Variants in MAP2 observed in about 807,000 individuals in gnomAD.
MAP2 encodes the protein microtubule associated protein 2, also known as microtubule-associated protein 2.
Under a neutral mutation model 137.6 loss-of-function variants are expected in MAP2, and 14 were observed. The ratio of observed to expected loss-of-function variants is 0.10; its 90% CI spans 0.07 to 0.16. The LOEUF (loss-of-function observed/expected upper bound fraction) is 0.16. Ranked by LOEUF, MAP2 falls within the 10% of genes least tolerant of loss-of-function variation. The pLI is 1.00. For synonymous variants in MAP2, 786 were observed against 782.3 expected, an observed-to-expected ratio of 1.00 and a Z score of -0.08; for missense variants, 2,088 against 2,191.5, an observed-to-expected ratio of 0.95 and a Z score of 0.94.
rs181592242 is a variant in MAP2, at chr2:209,433,487, T to G, written c.-222+9211T>G. On this transcript the variant is annotated intron_variant, in intron 1 of 15. Coordinates refer to ENST00000682079, the MANE Select transcript of MAP2 (RefSeq NM_001375505.1). ...ACAGAAGGCAGGTACCAGGCCACAT[T>G]GGTCCTTTTGACCCTGATAAGGAGT... is the stretch of plus-strand genomic sequence containing the variant. 7.5e-4 allele frequency among the ~76,000 whole-genome samples: 114 copies of G among 152,238 alleles called. 1 individual carries two copies. The highest frequency in any genetic ancestry group is 2.2e-3 in the Admixed American group (33 of 15,276).
intron 6 of MAP2, among the ~76,000 whole-genome samples, chr2:209,679,759 A>G (rs2153686672): frequency 6.6e-6 from 1 of 152,242 alleles, no homozygotes; most frequent in Middle Eastern, 3.4e-3. Context: ...TATCTAATCT[A>G]AAACATTAAC....
intron 3 of MAP2, among the ~76,000 whole-genome samples, chr2:209,586,331 A>G (rs896182218): frequency 2.6e-5 from 4 of 152,202 alleles, no homozygotes; most frequent in Non-Finnish European, 5.9e-5. Context: ...GAACGTGGAC[A>G]AGAATTTGGG....
rs74453980 is a variant in MAP2 at position 209,703,810 on chromosome 2, C to T, written c.4585-1770C>T. Among the ~76,000 whole-genome samples the T allele has an allele frequency of 3.4e-3, 520 of 152,112 alleles. 5 individuals carry two copies. The highest frequency in any genetic ancestry group is 0.012 in the African/African-American group (493 of 41,538). Reference sequence around the variant, plus strand: ...ACTCATCATTTATTCAGCAATTATCCGCTGGTTCTCTACTGCGTACCAAAC... The same window carrying T: ...ACTCATCATTTATTCAGCAATTATCTGCTGGTTCTCTACTGCGTACCAAAC... On this transcript the variant is annotated intron_variant, in intron 11 of 15. Transcript: ENST00000682079.
intron 2 of MAP2, among the ~76,000 whole-genome samples, chr2:209,538,851 T>C (rs1447799354): frequency 6.6e-6 from 1 of 152,168 alleles, no homozygotes; most frequent in Non-Finnish European, 1.5e-5. Context: ...AATTTAAATA[T>C]ATATAGATTA....
chr2:209,719,742 T>C (rs1239808202), intron 13 of MAP2, among the ~76,000 whole-genome samples: 2 of 152,192 alleles, frequency 1.3e-5, no homozygotes, highest in African/African-American at 4.8e-5. Context: ...TTCTCTATCA[T>C]AGTGGAAGAA....
chr2:209,436,152 A>G (rs1696220136), intron 1 of MAP2, among the ~76,000 whole-genome samples: 3 of 150,554 alleles, frequency 2.0e-5, no homozygotes, highest in African/African-American at 4.9e-5. Flanking sequence ...AAGTTAGTAA[A>G]CAGTTTTTGA....
intron 4 of MAP2, among the ~76,000 whole-genome samples, chr2:209,651,719 T>A (rs1163609554): frequency 6.6e-6 from 1 of 152,180 alleles, no homozygotes; most frequent in Non-Finnish European, 1.5e-5. Context: ...TAAATAGAGC[T>A]GTTTTGAGAA....
intron 1 of MAP2, among the ~76,000 whole-genome samples, chr2:209,455,468 T>C (rs746689659): frequency 6.6e-6 from 1 of 152,230 alleles, no homozygotes; most frequent in Non-Finnish European, 1.5e-5. Flanking sequence ...CCTCTACTCA[T>C]GATAACCAGA....
At position 209,695,228 on chromosome 2, in the gene MAP2, A is replaced by G. The variant is rs149636178; in HGVS notation, c.3058A>G (p.Ser1020Gly). The change falls in exon 8 of 16, where the codon AGT becomes GGT. Residue 1020 changes from serine to glycine, a missense_variant. Coordinates refer to ENST00000682079, the MANE Select transcript of MAP2 (RefSeq NM_001375505.1). ...ASSEKAEKGL[S>G]SVPEIAEVEP... ...CTCTGAGAAAGCAGAGAAGGGTCTT[A>G]GTTCAGTGCCAGAGATAGCTGAGGT... 41 of 1,614,160 alleles carry G rather than the reference A, an allele frequency of 2.5e-5. No homozygotes were observed. The Admixed American group carries it at 4.7e-4, about 18-fold the overall frequency.
At position 209,539,297 on chromosome 2, in the gene MAP2, T is replaced by G. The variant is rs192996665; in HGVS notation, c.-172+31656T>G. On this transcript the variant is annotated intron_variant, in intron 2 of 15. Coordinates refer to ENST00000682079, the MANE Select transcript of MAP2 (RefSeq NM_001375505.1). ...AATGGAATTGCATTTCTGTAATTGTTGTGAATGCATTCTGTATGTAGTGAA... is the reference window on the plus strand; with the variant it reads ...AATGGAATTGCATTTCTGTAATTGTGGTGAATGCATTCTGTATGTAGTGAA... 1.6e-4 allele frequency among the ~76,000 whole-genome samples: 24 copies of G among 152,348 alleles called. No individual in the cohort carries two copies. The East Asian group carries it at 4.4e-3, about 28-fold the overall frequency.
chr2:209,696,520 C>A, intron 8 of MAP2, 22 bp from the exon 9 acceptor site: 3 of 1,579,334 alleles, frequency 1.9e-6, no homozygotes, highest in South Asian at 2.3e-5. Flanking sequence ...TTGTTGTTGT[C>A]ATGATTTGCT....
intron 1 of MAP2, among the ~76,000 whole-genome samples, chr2:209,460,080 T>C (rs1559189309): frequency 6.6e-6 from 1 of 152,186 alleles, no homozygotes; most frequent in Non-Finnish European, 1.5e-5. Context: ...ACTCAGCACA[T>C]AAATTATTCT....
chr2:209,515,800 A>G (rs1429608652), intron 2 of MAP2, among the ~76,000 whole-genome samples: 1 of 152,038 alleles, frequency 6.6e-6, no homozygotes, highest in African/African-American at 2.4e-5. Context: ...TCATTTATTT[A>G]TGTAGAGACA....
chr2:209,653,418 A>G lies in MAP2; in HGVS notation c.248A>G (p.Asp83Gly). 6.2e-7 allele frequency: 1 copy of G among 1,600,240 alleles called. No individual in the cohort carries two copies. Among genetic ancestry groups the G allele is most frequent in the African/African-American group, 1.3e-5 (1 of 74,680 alleles). ...NGINGELTSA[D>G]RETAEEVSAR... ...ATCAACGGAGAGCTGACCTCAGCTGACAGAGAAACAGCAGGTAACTAAGGG... is the reference window on the plus strand; with the variant it reads ...ATCAACGGAGAGCTGACCTCAGCTGGCAGAGAAACAGCAGGTAACTAAGGG... Residue 83 changes from aspartate to glycine, a missense_variant, in exon 5 of 16, where the codon GAC becomes GGC. Around this residue, in one of 6 missense-constraint regions of MAP2, gnomAD observed 859 missense variants for 794.5 expected, o/e 1.08. Coordinates refer to ENST00000682079, the MANE Select transcript of MAP2 (RefSeq NM_001375505.1).
intron 1 of MAP2, among the ~76,000 whole-genome samples, chr2:209,452,179 G>A (rs1700468189): frequency 6.6e-6 from 1 of 152,164 alleles, no homozygotes; most frequent in African/African-American, 2.4e-5. Context: ...GGTATGAAGT[G>A]ACAGTCTAGG....
intron 5 of MAP2, among the ~76,000 whole-genome samples, chr2:209,653,801 A>AT (rs1445199400): frequency 6.6e-6 from 1 of 152,170 alleles, no homozygotes; most frequent in Non-Finnish European, 1.5e-5. Context: ...TTAGAAGCAT[A>AT]TTTTTTAGAG....
At chr2:209,600,965 A>G (rs2082811627) in intron 3 of MAP2, among the ~76,000 whole-genome samples, 1 of 152,196 alleles carries the variant, frequency 6.6e-6, no homozygotes, top group Non-Finnish European at 1.5e-5. Flanking sequence ...CACACTGTTG[A>G]GAGGCTAATA....
chr2:209,508,593 C>A (rs1229749402), intron 2 of MAP2, among the ~76,000 whole-genome samples: 1 of 98,230 alleles, frequency 1.0e-5, no homozygotes, highest in African/African-American at 3.0e-5. Context: ...CCCACACACA[C>A]ACACACACAC....
chr2:209,464,318 A>T (rs1033043663), intron 1 of MAP2, among the ~76,000 whole-genome samples: 2 of 152,120 alleles, frequency 1.3e-5, no homozygotes, highest in Non-Finnish European at 2.9e-5. Flanking sequence ...TATATTAGGA[A>T]CTCACAACCA....
Sources: allele counts gnomAD v4.1 joint callset (sites outside exome capture counted in the v4.1 genomes callset), GRCh38; gene constraint gnomAD v4.1.1; regional missense constraint gnomAD v4.1.1; transcripts MANE v1.5; gene names NCBI Gene and HGNC (gene_info 2026-07-23, HGNC 2026-07-21).